The following UBE2E3 variants were observed in gnomAD, a reference collection of about 807,000 sequenced individuals.
The protein encoded by UBE2E3 is ubiquitin-conjugating enzyme E2 E3.
Under a neutral mutation model 23.6 loss-of-function variants are expected in UBE2E3, and 5 were observed. The ratio of observed to expected loss-of-function variants is 0.21; its 90% CI spans 0.11 to 0.44. The LOEUF is 0.44. Ranked by LOEUF, UBE2E3 falls within the 20% of genes least tolerant of loss-of-function variation. The probability of loss-of-function intolerance (pLI) is 0.99; values close to 1 mark genes in which losing one functional copy is unlikely to be tolerated. For synonymous variants in UBE2E3, 78 were observed against 87.5 expected (o/e 0.89, Z 0.60); for missense variants, 81 against 249.8 (o/e 0.32, Z 4.55).
chr2:181,017,892 T>G (rs1329356415), intron 3 of UBE2E3, among the ~76,000 whole-genome samples: 1 of 151,218 alleles, frequency 6.6e-6, no homozygotes, highest in Non-Finnish European at 1.5e-5. Flanking sequence ...ACAGGATTTT[T>G]TGGTTAGAGG....
At chr2:181,005,818 A>G (rs1048347757) in intron 3 of UBE2E3, among the ~76,000 whole-genome samples, 1 of 152,232 alleles carries the variant, frequency 6.6e-6, no homozygotes, top group Non-Finnish European at 1.5e-5. Context: ...GAGTTGTGAA[A>G]TGGCAAGGAT....
chr2:181,006,534 G>T (rs1685152280), intron 3 of UBE2E3, among the ~76,000 whole-genome samples: 1 of 151,824 alleles, frequency 6.6e-6, no homozygotes, highest in Admixed American at 6.6e-5. Context: ...AATGTACATG[G>T]AGCACACTTA....
chr2:181,015,350 A>G (rs1685453008), intron 3 of UBE2E3, among the ~76,000 whole-genome samples: 1 of 152,168 alleles, frequency 6.6e-6, no homozygotes, highest in Non-Finnish European at 1.5e-5. Flanking sequence ...TAAATTGGTG[A>G]CTTGCATTTT....
rs145862402 is a variant in UBE2E3 at position 181,035,802 on chromosome 2, C to G, written c.246-21891C>G. The stretch of plus-strand genomic sequence containing the variant: ...TGATATATAGTTGTACTTGATTGTT[C>G]CCAAGGGTTTTTACCACAGGAACAG... On this transcript the variant is annotated intron_variant, in intron 3 of 5. Coordinates refer to ENST00000410062, the MANE Select transcript of UBE2E3 (RefSeq NM_006357.4). Among the ~76,000 whole-genome samples the G allele has an allele frequency of 5.1e-4, 78 of 151,974 alleles. 1 individual carries two copies. In the East Asian group the frequency reaches 0.013, roughly 25 times the overall value.
Position 181,054,366 on chromosome 2 carries a change from G to C in UBE2E3, c.246-3327G>C, listed in dbSNP as rs539037619. Among the ~76,000 whole-genome samples the C allele has an allele frequency of 2.0e-5, 3 of 151,590 alleles. No individual in the cohort carries two copies. The South Asian group carries it at 6.2e-4, about 31-fold the overall frequency. ...TTTGTATTCTCCACTAGCAATGGAT[G>C]AGAGTTCCTGTTACTCCACATTTTC... On this transcript the variant is annotated intron_variant, in intron 3 of 5. Coordinates refer to ENST00000410062, the MANE Select transcript of UBE2E3 (RefSeq NM_006357.4).
intron 3 of UBE2E3, among the ~76,000 whole-genome samples, chr2:181,036,810 T>C (rs1449392175): frequency 6.6e-6 from 1 of 152,196 alleles, no homozygotes; most frequent in East Asian, 1.9e-4. Context: ...ATTTTGGTCT[T>C]TATTTAGTAA....
chr2:181,060,843 A>C, intron 5 of UBE2E3, 31 bp downstream of exon 5: 1 of 1,456,426 alleles, frequency 6.9e-7, no homozygotes, highest in East Asian at 2.5e-5. Context: ...ATGTACAATA[A>C]GACTACAAAA....
At chr2:180,996,195 C>T (rs980486754) in intron 3 of UBE2E3, among the ~76,000 whole-genome samples, 10 of 152,092 alleles carry the variant, frequency 6.6e-5, no homozygotes, top group African/African-American at 2.4e-4. Flanking sequence ...TATAACAATG[C>T]GAGTACATAC....
At chr2:180,995,120 T>C (rs1684785294) in intron 3 of UBE2E3, among the ~76,000 whole-genome samples, 1 of 152,132 alleles carries the variant, frequency 6.6e-6, no homozygotes, top group South Asian at 2.1e-4. Context: ...AAATTGTGTA[T>C]TGCGGTAAAA....
intron 5 of UBE2E3, among the ~76,000 whole-genome samples, chr2:181,062,404 G>C (rs1480538336): frequency 6.6e-6 from 1 of 151,638 alleles, no homozygotes; most frequent in Non-Finnish European, 1.5e-5. Context: ...GCATGGTATT[G>C]TAAGACTGGG....
intron 3 of UBE2E3, among the ~76,000 whole-genome samples, chr2:181,044,757 A>G (rs569801985): frequency 6.6e-6 from 1 of 152,282 alleles, no homozygotes; most frequent in South Asian, 2.1e-4. Context: ...TGGTTCTTAC[A>G]TTAATCACTA....
chr2:181,021,720 T>C (rs1685709562), intron 3 of UBE2E3, among the ~76,000 whole-genome samples: 3 of 147,402 alleles, frequency 2.0e-5, no homozygotes, highest in African/African-American at 7.5e-5. Context: ...TTAATGTCTG[T>C]GGTCATGGAA....
At chr2:180,981,756 A>G (rs1211690422) in intron 1 of UBE2E3, among the ~76,000 whole-genome samples, 1 of 152,250 alleles carries the variant, frequency 6.6e-6, no homozygotes, top group African/African-American at 2.4e-5. Context: ...CCTTCTGAGA[A>G]AGTAGACAAT....
chr2:181,061,497 A>T (rs979051931), intron 5 of UBE2E3, among the ~76,000 whole-genome samples: 3 of 141,220 alleles, frequency 2.1e-5, no homozygotes, highest in Non-Finnish European at 4.9e-5. Context: ...ATGCTGCTGT[A>T]TGCTTTTAGG....
chr2:181,032,777 T>C (rs1025648076), intron 3 of UBE2E3, among the ~76,000 whole-genome samples: 1 of 152,030 alleles, frequency 6.6e-6, no homozygotes, highest in Admixed American at 6.6e-5. Context: ...TAATTTAGGA[T>C]TATCAAACAC....
intron 3 of UBE2E3, among the ~76,000 whole-genome samples, chr2:181,049,800 C>T (rs1366335580): frequency 2.0e-5 from 3 of 151,902 alleles, no homozygotes; most frequent in Non-Finnish European, 4.4e-5. Context: ...GTTTTGCAGA[C>T]TGAATTTATG....
chr2:180,991,200 C>A lies in UBE2E3; in HGVS notation c.245+7107C>A, dbSNP rs181656510. ...TTGGGATTCTAGAATTGTAGATAAG[C>A]AGTTATGGCCCTCTATAATAGTTCC... is the stretch of plus-strand genomic sequence containing the variant. On this transcript the variant is annotated intron_variant, in intron 3 of 5. Transcript: ENST00000410062. Among the ~76,000 whole-genome samples, 936 of 151,154 alleles carry A rather than the reference C, an allele frequency of 6.2e-3. 14 individuals are homozygous for A. The highest frequency in any genetic ancestry group is 0.021 in the African/African-American group (870 of 41,172).
intron 3 of UBE2E3, among the ~76,000 whole-genome samples, chr2:181,036,164 G>A (rs540014373): frequency 5.3e-5 from 8 of 152,252 alleles, no homozygotes; most frequent in Middle Eastern, 3.4e-3. Flanking sequence ...TGATTCTGAC[G>A]TACTAGGTAA....
intron 3 of UBE2E3, among the ~76,000 whole-genome samples, chr2:181,040,628 A>C (rs1301339105): frequency 6.6e-6 from 1 of 152,218 alleles, no homozygotes; most frequent in Non-Finnish European, 1.5e-5. Context: ...GGTATACTAC[A>C]AATTATAGGA....
Sources: gnomAD v4.1 joint callset for allele counts (sites outside exome capture counted in the v4.1 genomes callset) on GRCh38, gnomAD v4.1.1 for gene constraint, MANE v1.5 for transcripts, NCBI Gene and HGNC (gene_info 2026-07-23, HGNC 2026-07-21) for gene names.